The following IRAK3 variants were observed in gnomAD, a reference collection of about 807,000 sequenced individuals.
IRAK3 encodes the protein interleukin-1 receptor-associated kinase 3.
In IRAK3, 57 loss-of-function variants were observed where a neutral mutation model predicts 56.6. The ratio of observed to expected loss-of-function variants is 1.01; its 90% CI spans 0.81 to 1.26. IRAK3 has a LOEUF of 1.26. IRAK3 is among the 50% of genes most tolerant of loss of function. The pLI, the probability that IRAK3 is intolerant of heterozygous loss-of-function variation, is 0.00. For missense variants in IRAK3, 703 were observed against 719.0 expected, an observed-to-expected ratio of 0.98 and a Z score of 0.25; for synonymous variants, 258 against 255.7, an observed-to-expected ratio of 1.01 and a Z score of -0.09.
rs76560317 is a variant in IRAK3 at position 66,215,496 on chromosome 12, A to G, written c.589-1675A>G. ...ACCCACCTCTCTCAAAGGACTGGGC[A>G]GCTTTTTTTGAAGAGCTCTTATTTG... is the stretch of plus-strand genomic sequence containing the variant. On this transcript the variant is annotated intron_variant, in intron 5 of 11. Transcript: ENST00000261233. 9.6e-3 allele frequency among the ~76,000 whole-genome samples: 1,462 copies of G among 152,288 alleles called. 15 individuals carry two copies. The highest frequency in any genetic ancestry group is 0.016 in the Non-Finnish European group (1,079 of 68,010).
At chr12:66,195,719 G>C (rs1267028442) in intron 1 of IRAK3, among the ~76,000 whole-genome samples, 2 of 152,092 alleles carry the variant, frequency 1.3e-5, no homozygotes, top group Non-Finnish European at 2.9e-5. Context: ...GAGTGCAATG[G>C]TGCAATCTTG....
chr12:66,196,846 A>G, intron 1 of IRAK3: 1 of 1,458,606 alleles, frequency 6.9e-7, no homozygotes, highest in Non-Finnish European at 9.0e-7. Flanking sequence ...TGCTTTGTAG[A>G]AAGAAAGAGA....
At chr12:66,227,330 C>T (rs1013082255) in intron 7 of IRAK3, among the ~76,000 whole-genome samples, 4 of 152,102 alleles carry the variant, frequency 2.6e-5, no homozygotes, top group Non-Finnish European at 4.4e-5. Flanking sequence ...CAGTGGCTCA[C>T]GCCTGTAATC....
At position 66,248,159 on chromosome 12, in the gene IRAK3, CA is replaced by C; in HGVS notation, c.1785del (p.Glu596AsnfsTer15). 6.2e-7 allele frequency: 1 copy of C among 1,610,868 alleles called. No individual in the cohort carries two copies. The highest frequency in any genetic ancestry group is 8.5e-7 in the Non-Finnish European group (1 of 1,177,610). On this transcript the variant is annotated frameshift_variant, in exon 12 of 12. Transcript: ENST00000261233. LOFTEE classifies it high-confidence loss of function. ...TTTCCTGGGATGAATATGAACAGTA[CA>C]AAAAAGAATAAATTCTACCAGAAGA... ...KFSWDEYEQY[K>X]KE
intron 8 of IRAK3, among the ~76,000 whole-genome samples, chr12:66,235,937 C>T (rs1431052539): frequency 6.6e-6 from 1 of 152,090 alleles, no homozygotes. Flanking sequence ...ACAAAAATAA[C>T]TTGGCGTCAG....
rs1222237177 is a variant in IRAK3, at chr12:66,252,084, A to G, written c.*3913A>G. 6.6e-6 allele frequency: 1 copy of G among 152,264 alleles called. No homozygotes were observed. Among genetic ancestry groups the G allele is most frequent in the African/African-American group, 2.4e-5 (1 of 41,468 alleles). The allele number at this position is 152,264 out of a possible 1,614,324, so 9.4% of individuals were successfully genotyped here. ...AATTGGGGATCCACAGCAGCTGTGC[A>G]CAACCATCCCTAATGCCAGAAAAAT... On this transcript the variant is annotated 3_prime_UTR_variant, in exon 12 of 12. Transcript: ENST00000261233.
Position 66,251,657 on chromosome 12 carries a change from G to GCATAATATT in IRAK3, c.*3487_*3495dup, listed in dbSNP as rs1312060657. 6.6e-6 allele frequency: 1 copy of GCATAATATT among 152,188 alleles called. No individual in the cohort carries two copies. Among genetic ancestry groups the GCATAATATT allele is most frequent in the African/African-American group, 2.4e-5 (1 of 41,436 alleles). 9.4% of individuals were successfully genotyped at this position (152,188 alleles called of 1,614,324 possible). On this transcript the variant is annotated 3_prime_UTR_variant, in exon 12 of 12. Coordinates refer to ENST00000261233, the MANE Select transcript of IRAK3 (RefSeq NM_007199.3). ...GAGTTGTAATGATCTGTGACTCACT[G>GCATAATATT]CATAATATTGTAGTTTTATAGGGTG... is the stretch of plus-strand genomic sequence containing the variant.
chr12:66,227,606 C>T (rs2701292), intron 7 of IRAK3, among the ~76,000 whole-genome samples: 12,933 of 49,090 alleles, frequency 0.26, 1,552 homozygotes, highest in African/African-American at 0.37. Flanking sequence ...AATAAATAAA[C>T]AAACAAACTG....
intron 8 of IRAK3, among the ~76,000 whole-genome samples, chr12:66,235,844 G>A (rs939674236): frequency 6.6e-6 from 1 of 151,920 alleles, no homozygotes; most frequent in African/African-American, 2.4e-5. Context: ...TTTTTCAATG[G>A]CTTATTTTTT....
At chr12:66,215,792 A>G (rs56931740) in intron 5 of IRAK3, among the ~76,000 whole-genome samples, 31,049 of 85,538 alleles carry the variant, frequency 0.36, 3,875 homozygotes, top group Admixed American at 0.44. Context: ...ACATGCACAC[A>G]CACACACACA....
intron 7 of IRAK3, among the ~76,000 whole-genome samples, chr12:66,227,462 C>T (rs990007188): frequency 6.6e-6 from 1 of 152,070 alleles, no homozygotes; most frequent in Non-Finnish European, 1.5e-5. Flanking sequence ...ACCTGTGATC[C>T]CAGCTAATCA....
chr12:66,219,843 T>C (rs1004711313), intron 6 of IRAK3, among the ~76,000 whole-genome samples: 3 of 152,250 alleles, frequency 2.0e-5, no homozygotes, highest in African/African-American at 7.2e-5. Context: ...GTCATTGGTA[T>C]GTCTTCTTTG....
At position 66,209,461 on chromosome 12, in the gene IRAK3, G is replaced by A. The variant is rs2052591264; in HGVS notation, c.322G>A (p.Val108Met). 1.2e-6 allele frequency: 2 copies of A among 1,602,478 alleles called. No individual in the cohort carries two copies. Among genetic ancestry groups the A allele is most frequent in the Non-Finnish European group, 1.7e-6 (2 of 1,169,856 alleles). ...TTCCCATATTTCTCTTTCAGGAGCA[G>A]TGTTGAGTCCTTCAGAGAAGAGTTA... The part of the protein sequence containing the change: ...AIHLITNYGA[V>M]LSPSEKSYQE... The change falls in exon 3 of 12, where the codon GTG becomes ATG. Residue 108 changes from valine to methionine, a missense_variant. Physicochemically the swap from Val to Met is conservative, Grantham distance 21 (BLOSUM62 1). Coordinates refer to ENST00000261233, the MANE Select transcript of IRAK3 (RefSeq NM_007199.3).
chr12:66,233,822 C>T (rs199663791), intron 8 of IRAK3, among the ~76,000 whole-genome samples: 1 of 144,276 alleles, frequency 6.9e-6, no homozygotes, highest in Non-Finnish European at 1.5e-5. Flanking sequence ...TGATAAAAAT[C>T]TGTTTGTTTG....
chr12:66,189,237 G>C lies in IRAK3; in HGVS notation c.-63G>C, dbSNP rs1341245532. On this transcript the variant is annotated 5_prime_UTR_variant, in exon 1 of 12. Transcript: ENST00000261233. The stretch of plus-strand genomic sequence containing the variant: ...GCAGGATTTCCGCGGTTGTGTAACG[G>C]CCTGTCGCAGGCGTGCAGGGACCTG... 1.3e-6 allele frequency: 2 copies of C among 1,525,254 alleles called. No homozygotes were observed. The highest frequency in any genetic ancestry group is 4.9e-5 in the East Asian group (2 of 40,532). 94.5% of individuals were successfully genotyped at this position (1,525,254 alleles called of 1,614,324 possible).
At position 66,241,111 on chromosome 12, in the gene IRAK3, A is replaced by C. The variant is rs760494398; in HGVS notation, c.888-3375A>C. ...AAAATTGTCCTAGAGACCCCTACTA[A>C]TAGAGAGATTAAGTAACATCCTAGA... On this transcript the variant is annotated intron_variant, in intron 8 of 11. Coordinates refer to ENST00000261233, the MANE Select transcript of IRAK3 (RefSeq NM_007199.3). Among the ~76,000 whole-genome samples the C allele has an allele frequency of 2.0e-5, 3 of 152,258 alleles. 1 individual carries two copies. Among genetic ancestry groups the C allele is most frequent in the Admixed American group, 2.0e-4 (3 of 15,282 alleles).
At chr12:66,221,853 A>G (rs546795828) in intron 6 of IRAK3, among the ~76,000 whole-genome samples, 2 of 151,778 alleles carry the variant, frequency 1.3e-5, no homozygotes, top group South Asian at 2.1e-4. Context: ...ACATGATGAA[A>G]CCCCATCTGT....
intron 5 of IRAK3, among the ~76,000 whole-genome samples, chr12:66,216,157 C>T (rs2052674957): frequency 6.6e-6 from 1 of 151,986 alleles, no homozygotes; most frequent in African/African-American, 2.4e-5. Context: ...ACAAAAAAAC[C>T]GACTCCTTCA....
chr12:66,243,116 A>G (rs1453591047), intron 8 of IRAK3, among the ~76,000 whole-genome samples: 1 of 151,918 alleles, frequency 6.6e-6, no homozygotes, highest in Non-Finnish European at 1.5e-5. Flanking sequence ...TCTGTTGTCA[A>G]CTCAGCCCTA....
Sources: gnomAD v4.1 joint callset for allele counts (sites outside exome capture counted in the v4.1 genomes callset) on GRCh38, gnomAD v4.1.1 for gene constraint, MANE v1.5 for transcripts, NCBI Gene and HGNC (gene_info 2026-07-23, HGNC 2026-07-21) for gene names.